MCF2L: variants seen among roughly 807,000 people sequenced by gnomAD.
MCF2L encodes the protein guanine nucleotide exchange factor DBS.
MCF2L carries 97 observed loss-of-function variants against 153.4 expected under a neutral mutation model. That is an observed-to-expected ratio of 0.63 (90% CI 0.54 to 0.75). MCF2L has a LOEUF of 0.75. MCF2L is among the 30% of genes least tolerant of loss of function. MCF2L has a pLI of 0.00. For missense variants in MCF2L, 1,347 were observed against 1,495.2 expected (o/e 0.90, Z 1.64); for synonymous variants, 659 against 632.2 (o/e 1.04, Z -0.64).
In MCF2L at chr13:112,951,233, G is replaced by T. The variant is rs2081690050; in HGVS notation, c.169+48862G>T. 6.6e-6 allele frequency among the ~76,000 whole-genome samples: 1 copy of T among 152,146 alleles called. No homozygotes were observed. The highest frequency in any genetic ancestry group is 1.5e-5 in the Non-Finnish European group (1 of 68,028). On this transcript the variant is annotated intron_variant, in intron 2 of 29. Coordinates refer to the MCF2L transcript ENST00000375608. The surrounding 1 kb of genome is among the most constrained non-coding windows in gnomAD (Gnocchi z 4.8). ...GCTGGCAGGGATGTGGATAAACTGG[G>T]TTACTCCTAAGTTGCTGGTGGGAAT...
At chr13:113,055,066 C>T (rs1489444482) in intron 4 of MCF2L, among the ~76,000 whole-genome samples, 1 of 152,164 alleles carries the variant, frequency 6.6e-6, no homozygotes, top group African/African-American at 2.4e-5. Context: ...TATTTTAGAA[C>T]TTTCCCCAGC....
At chr13:112,931,227 A>G (rs55825624) in intron 2 of MCF2L, among the ~76,000 whole-genome samples, 31,954 of 152,188 alleles carry the variant, frequency 0.21, 3,955 homozygotes, top group South Asian at 0.3. Context: ...AAACCGCCTC[A>G]CGGAAGAAGA....
At position 113,045,626 on chromosome 13, in the gene MCF2L, T is replaced by C. The variant is rs1201507237; in HGVS notation, c.369+265T>C. 1.9e-6 allele frequency: 1 copy of C among 535,096 alleles called. No individual in the cohort carries two copies. The highest frequency in any genetic ancestry group is 3.4e-6 in the Non-Finnish European group (1 of 296,976). 33.1% of individuals were successfully genotyped at this position (535,096 alleles called of 1,614,324 possible). A position where few individuals can be genotyped will look rare whatever the true frequency, so the allele number is the denominator to read the frequency against. ...CAATTTCCCCAGGCAGAGCAGCCCA[T>C]ATGTTTCCGAACACCAAGTCTGAGA... On this transcript the variant is annotated intron_variant, in intron 4 of 29. Coordinates refer to ENST00000535094, the MANE Select transcript of MCF2L (RefSeq NM_001112732.3). This position sits in a 1 kb window ranked among gnomAD's most constrained non-coding sequence, Gnocchi z 4.2.
intron 3 of MCF2L, among the ~76,000 whole-genome samples, chr13:113,033,441 CCCCCGTG>C (rs2085923255): frequency 7.3e-6 from 1 of 137,846 alleles, no homozygotes; most frequent in Non-Finnish European, 1.6e-5. Context: ...ATGTGAGTGG[CCCCCGTG>C]ATGTGAGTGG....
At chr13:113,006,931 C>G (rs972227042) in intron 1 of MCF2L, among the ~76,000 whole-genome samples, 1 of 152,108 alleles carries the variant, frequency 6.6e-6, no homozygotes, top group Non-Finnish European at 1.5e-5. Context: ...GGGCTGTGAC[C>G]GGAGGTGGCA....
intron 3 of MCF2L, chr13:113,040,945 C>G (rs2086448672): frequency 6.6e-6 from 1 of 152,204 alleles, no homozygotes; most frequent in Admixed American, 6.5e-5. Context: ...GAAGACGCAG[C>G]CAGTTGGAAC....
rs752081602 is a variant in MCF2L at position 113,070,219 on chromosome 13, G to A, written c.996+46G>A. On this transcript the variant is annotated intron_variant, in intron 9 of 29. Transcript: ENST00000535094. The surrounding 1 kb of genome is among the most constrained non-coding windows in gnomAD (Gnocchi z 5.6). ...CCGGCAGCCGCCCTGATGCTCACGG[G>A]GCCTCCTGTGCCTGCGCCCTGGTCC... 2.2e-6 allele frequency: 3 copies of A among 1,335,830 alleles called. No individual in the cohort carries two copies. In the South Asian group the frequency reaches 4.0e-5, roughly 18 times the overall value. 82.7% of individuals were successfully genotyped at this position (1,335,830 alleles called of 1,614,324 possible).
rs1354173074 is a variant in MCF2L, at chr13:113,088,606, C to T, written c.2812C>T (p.Leu938=). 1 of 1,608,638 alleles carries T rather than the reference C, an allele frequency of 6.2e-7. No individual in the cohort carries two copies. The highest frequency in any genetic ancestry group is 8.5e-7 in the Non-Finnish European group (1 of 1,179,878). ...RALEQSQSLP[L]PAPTSTSPSR... ...GCTGGAGCAGTCACAGAGCCTGCCC[C>T]TGCCGGCCCCGACCAGCACCAGGTG... is the stretch of plus-strand genomic sequence containing the variant. Residue 938 remains leucine, a synonymous_variant, in exon 25 of 30, where the codon CTG becomes TTG. Transcript: ENST00000535094.
intron 2 of MCF2L, among the ~76,000 whole-genome samples, chr13:113,016,104 C>CACCT (rs760477173): frequency 5.1e-4 from 78 of 152,216 alleles, no homozygotes; most frequent in Non-Finnish European, 9.0e-4. Context: ...CCCAGCCACC[C>CACCT]ACCTTTTCTC....
At chr13:113,011,634 CGGTG>C in intron 1 of MCF2L, among the ~76,000 whole-genome samples, 1 of 105,806 alleles carries the variant, frequency 9.5e-6, no homozygotes. Flanking sequence ...GTGGTGTGGA[CGGTG>C]GACAGGCAGT....
At chr13:113,023,148 C>G (rs1029568212) in intron 2 of MCF2L, among the ~76,000 whole-genome samples, 1 of 152,370 alleles carries the variant, frequency 6.6e-6, no homozygotes, top group African/African-American at 2.4e-5. Context: ...TGTGGACGCC[C>G]CTCGGCTCAG....
intron 24 of MCF2L, 60 bp downstream of exon 24, chr13:113,088,465 A>G: frequency 6.2e-7 from 1 of 1,607,838 alleles, no homozygotes; most frequent in South Asian, 1.1e-5. Flanking sequence ...ATTTTTACCT[A>G]TGTTCAGAGC....
chr13:112,996,274 C>T (rs2083127272), intron 1 of MCF2L, among the ~76,000 whole-genome samples: 1 of 152,168 alleles, frequency 6.6e-6, no homozygotes, highest in Non-Finnish European at 1.5e-5. Context: ...GAGCCGAGAT[C>T]GCATTATTCC....
At position 112,943,663 on chromosome 13, in the gene MCF2L, G is replaced by C. The variant is rs963969550; in HGVS notation, c.169+41292G>C. Among the ~76,000 whole-genome samples the C allele has an allele frequency of 6.6e-6, 1 of 152,158 alleles. No homozygotes were observed. On this transcript the variant is annotated intron_variant, in intron 2 of 29. Transcript: ENST00000375608. This position sits in a 1 kb window ranked among gnomAD's most constrained non-coding sequence, Gnocchi z 4.2. ...CCGGCCAGTCCCTTACCCGGGGACAGACGGGGAAGGCGGGAGCGCTCGCAG... is the reference window on the plus strand; with the variant it reads ...CCGGCCAGTCCCTTACCCGGGGACACACGGGGAAGGCGGGAGCGCTCGCAG...
chr13:113,073,449 T>C (rs1338340693), intron 9 of MCF2L, among the ~76,000 whole-genome samples: 4 of 152,222 alleles, frequency 2.6e-5, no homozygotes, highest in Non-Finnish European at 5.9e-5. Context: ...CTGTGCCAGA[T>C]GCAGGGGGTT....
intron 15 of MCF2L, among the ~76,000 whole-genome samples, chr13:113,079,439 G>A (rs1044114280): frequency 4.6e-5 from 7 of 152,254 alleles, no homozygotes; most frequent in Non-Finnish European, 1.0e-4. Flanking sequence ...ACTTTGCACT[G>A]TCTCCGTTTT....
intron 5 of MCF2L, among the ~76,000 whole-genome samples, chr13:113,061,050 C>A (rs1418507441): frequency 6.6e-6 from 1 of 152,108 alleles, no homozygotes; most frequent in Non-Finnish European, 1.5e-5. Flanking sequence ...GCTGAGAGTC[C>A]GCCTGGCCCA....
intron 1 of MCF2L, among the ~76,000 whole-genome samples, chr13:112,976,255 C>T (rs2082211470): frequency 6.6e-6 from 1 of 151,708 alleles, no homozygotes; most frequent in Non-Finnish European, 1.5e-5. Context: ...GAGACAAATC[C>T]CCAAAGCATG....
intron 3 of MCF2L, chr13:113,044,894 C>A (rs773804339): frequency 1.2e-6 from 2 of 1,612,576 alleles, no homozygotes; most frequent in African/African-American, 2.7e-5. Context: ...GTGATGTATG[C>A]GCCATAAGAC....
Sources: gnomAD v4.1 joint callset for allele counts (sites outside exome capture counted in the v4.1 genomes callset) on GRCh38, gnomAD v4.1.1 for gene constraint, Gnocchi (gnomAD v3.1) non-coding constraint, MANE v1.5 for transcripts, NCBI Gene and HGNC (gene_info 2026-07-23, HGNC 2026-07-21) for gene names.